The following MROH2B variants were observed in gnomAD, a reference collection of about 807,000 sequenced individuals.
MROH2B encodes the protein maestro heat-like repeat-containing protein family member 2B.
In MROH2B, 177 loss-of-function variants were observed where a neutral mutation model predicts 208.6. The ratio of observed to expected loss-of-function variants is 0.85; its 90% confidence interval spans 0.75 to 0.96. The LOEUF is 0.96. Among genes scored for constraint, MROH2B ranks in the 40% least tolerant of loss-of-function variants. MROH2B has a pLI of 0.00. For missense variants in MROH2B, 2,002 were observed against 1,878.7 expected (o/e 1.07, Z -1.21); for synonymous variants, 728 against 659.0 (o/e 1.10, Z -1.60).
At chr5:41,035,931 G>A (rs183719232) in intron 21 of MROH2B, among the ~76,000 whole-genome samples, 138 of 152,150 alleles carry the variant, frequency 9.1e-4, no homozygotes, top group African/African-American at 3.2e-3. Flanking sequence ...AGCAGATGGA[G>A]ATTTCTCAAA....
At chr5:40,998,873 G>C (rs773604579) in intron 40 of MROH2B, among the ~76,000 whole-genome samples, 196 bp from the exon 41 acceptor site, 1 of 152,214 alleles carries the variant, frequency 6.6e-6, no homozygotes. Flanking sequence ...ATGTCTGCAA[G>C]TAGTCACTTA....
intron 30 of MROH2B, among the ~76,000 whole-genome samples, chr5:41,011,812 T>C (rs1288718198): frequency 2.6e-5 from 4 of 152,012 alleles, no homozygotes; most frequent in African/African-American, 9.7e-5. Context: ...GAATCACAGG[T>C]GCTTGCCACC....
At chr5:41,035,719 C>A (rs1742734305) in intron 21 of MROH2B, among the ~76,000 whole-genome samples, 1 of 152,062 alleles carries the variant, frequency 6.6e-6, no homozygotes, top group South Asian at 2.1e-4. Context: ...TGAAAAAATG[C>A]TCATCATCAC....
Position 41,017,881 on chromosome 5 carries a change from A to G in MROH2B, c.2853T>C (p.Ala951=). ...DTLPTIRQAA[A]SSTIGLFYIK... ...TATAGAACAGACCAATAGTTGAGCT[A>G]GCAGCCGCCTGACGGATGGTGGGCA... The change falls in exon 28 of 42, where the codon GCT becomes GCC. Residue 951 remains alanine (A), a synonymous_variant. Transcript: ENST00000399564. 1 of 1,594,966 alleles carries G rather than the reference A, an allele frequency of 6.3e-7. No individual in the cohort carries two copies. Among genetic ancestry groups the G allele is most frequent in the Non-Finnish European group, 8.5e-7 (1 of 1,170,302 alleles).
At chr5:41,040,693 G>A (rs1742917582) in intron 19 of MROH2B, among the ~76,000 whole-genome samples, 1 of 152,114 alleles carries the variant, frequency 6.6e-6, no homozygotes, top group Non-Finnish European at 1.5e-5. Flanking sequence ...TTGAGATGGA[G>A]TCTCACACTG....
At chr5:41,040,451 A>G (rs1425706723) in intron 19 of MROH2B, among the ~76,000 whole-genome samples, 3 of 152,204 alleles carry the variant, frequency 2.0e-5, no homozygotes, top group African/African-American at 4.8e-5. Flanking sequence ...TCGTTCTAGT[A>G]TGAAGCTAGA....
intron 18 of MROH2B, among the ~76,000 whole-genome samples, chr5:41,045,323 C>T (rs1023197476): frequency 2.0e-5 from 3 of 152,140 alleles, no homozygotes; most frequent in African/African-American, 4.8e-5. Context: ...CTTTTGAGTA[C>T]TCTTTTAGCT....
In MROH2B at chr5:41,004,881, G is replaced by A. The variant is rs1228647156; in HGVS notation, c.3904C>T (p.Arg1302Ter). The stretch of plus-strand genomic sequence containing the variant: ...TGATCCATCAAGATCAGCACATTTC[G>A]CAGATTCCCATGCTTCCAAAGGATT... ...EPILWKHGNL[R>*]NVLILMDQSA... The change falls in exon 36 of 42, where the codon CGA (arginine) becomes TGA (stop). Residue 1302 changes from arginine (R) to a stop codon, truncating the protein, a stop_gained. Coordinates refer to ENST00000399564, the MANE Select transcript of MROH2B (RefSeq NM_173489.5). LOFTEE classifies it high-confidence loss of function. 6.2e-7 allele frequency: 1 copy of A among 1,613,934 alleles called. No individual in the cohort carries two copies. Among genetic ancestry groups the A allele is most frequent in the Admixed American group, 1.7e-5 (1 of 60,010 alleles).
chr5:41,018,070 G>A, intron 27 of MROH2B, 100 bp from the exon 28 acceptor site: 2 of 1,424,930 alleles, frequency 1.4e-6, no homozygotes, highest in South Asian at 2.9e-5. Flanking sequence ...TCTCTCTGCA[G>A]GTCCTTAGAA....
chr5:41,017,362 C>T (rs958043235), intron 28 of MROH2B, among the ~76,000 whole-genome samples: 8 of 152,168 alleles, frequency 5.3e-5, no homozygotes, highest in African/African-American at 1.9e-4. Flanking sequence ...TCTTAGAGAG[C>T]TTTGAAAGGC....
Position 40,999,671 on chromosome 5 carries a change from A to G in MROH2B, c.4585+6T>C. The stretch of plus-strand genomic sequence containing the variant: ...ATCTGGGTAGGAAATGGGGATGTGT[A>G]CTCACCTGTGAGTTTGACAGCTGCA... On this transcript the variant is annotated splice_donor_region_variant and intron_variant, in intron 40 of 41. Coordinates refer to ENST00000399564, the MANE Select transcript of MROH2B (RefSeq NM_173489.5). 2 of 1,609,324 alleles carry G rather than the reference A, an allele frequency of 1.2e-6. No homozygotes were observed. Among genetic ancestry groups the G allele is most frequent in the East Asian group, 4.5e-5 (2 of 44,732 alleles).
intron 18 of MROH2B, among the ~76,000 whole-genome samples, chr5:41,044,201 G>A (rs1174684552): frequency 6.7e-6 from 1 of 149,874 alleles, no homozygotes; most frequent in Admixed American, 6.7e-5. Context: ...AGTGGTCCGA[G>A]ATCGTGCCAC....
In MROH2B at chr5:41,065,368, G is replaced by A. The variant is rs371986783; in HGVS notation, c.324C>T (p.Phe108=). The change falls in exon 4 of 42, where the codon TTC becomes TTT. Residue 108 remains phenylalanine (F), a synonymous_variant. Transcript: ENST00000399564. ...CCAATTCAGCCAGGGCAAGCACAAC[G>A]AATTCATCTGGTAGCTCTAAGATCC... ...NFRILELPDE[F]VVLALAELAT... The A allele has an allele frequency of 2.5e-5, 40 of 1,613,092 alleles. No homozygotes were observed. Among genetic ancestry groups the A allele is most frequent in the Middle Eastern group, 1.6e-4 (1 of 6,082 alleles).
Position 41,070,817 on chromosome 5 carries a change from A to G in MROH2B, c.28+8T>C. 1 of 1,610,138 alleles carries G rather than the reference A, an allele frequency of 6.2e-7. No homozygotes were observed. Among genetic ancestry groups the G allele is most frequent in the South Asian group, 1.1e-5 (1 of 90,274 alleles). On this transcript the variant is annotated splice_region_variant and intron_variant, in intron 1 of 41. Transcript: ENST00000399564. ...AGCCTTGGCTTCTCAGGATCTGATG[A>G]TGCTTACCTATGGATTCCTCTGTAC...
rs865849962 is a variant in MROH2B at position 41,018,381 on chromosome 5, G to T, written c.2723C>A (p.Ala908Asp). Residue 908 changes from alanine (A) to aspartate (D), a missense_variant, in exon 27 of 42, where the codon GCC becomes GAC. Transcript: ENST00000399564. ...VSQKEWERER[A>D]FQITAKVLTN... is the part of the protein sequence containing the mutation. ...CAGCACTTTCGCAGTGATCTGGAAG[G>T]CTCTTTCTCTTTCCCACTCTTTTTG... The T allele has an allele frequency of 6.2e-7, 1 of 1,613,150 alleles. No homozygotes were observed. Among genetic ancestry groups the T allele is most frequent in the South Asian group, 1.1e-5 (1 of 90,822 alleles).
At chr5:41,019,495 T>G (rs1742074941) in intron 24 of MROH2B, among the ~76,000 whole-genome samples, 1 of 152,234 alleles carries the variant, frequency 6.6e-6, no homozygotes, top group South Asian at 2.1e-4. Flanking sequence ...TTCTTATGAA[T>G]GCACAAGTGA....
intron 9 of MROH2B, 79 bp from the exon 10 acceptor site, chr5:41,055,934 C>A: frequency 2.0e-6 from 2 of 990,982 alleles, no homozygotes; most frequent in Non-Finnish European, 3.2e-6. Flanking sequence ...GAGGGAAATT[C>A]ACCATGAAGA....
intron 29 of MROH2B, among the ~76,000 whole-genome samples, chr5:41,014,545 C>A (rs913287391): frequency 8.5e-5 from 13 of 152,170 alleles, no homozygotes; most frequent in African/African-American, 3.1e-4. Flanking sequence ...ATGCAACAAA[C>A]CTGCACGTTG....
chr5:41,033,031 G>T lies in MROH2B; in HGVS notation c.2361+10C>A. ...TCAGGGCCTTTCTTATTCCCTCTCT[G>T]CACACTCACCAGCATGTAACCAATC... is the stretch of plus-strand genomic sequence containing the variant. On this transcript the variant is annotated intron_variant, in intron 23 of 41. Transcript: ENST00000399564. 1.2e-6 allele frequency: 2 copies of T among 1,612,648 alleles called. No homozygotes were observed. Among genetic ancestry groups the T allele is most frequent in the Non-Finnish European group, 1.7e-6 (2 of 1,179,116 alleles).
Sources: allele counts gnomAD v4.1 joint callset (sites outside exome capture counted in the v4.1 genomes callset), GRCh38; gene constraint gnomAD v4.1.1; transcripts MANE v1.5; gene names NCBI Gene and HGNC (gene_info 2026-07-23, HGNC 2026-07-21).